KCNMA1: variants seen among roughly 807,000 people sequenced by gnomAD.
KCNMA1 encodes the protein Calcium-activated potassium channel subunit alpha-1.
In KCNMA1, 29 loss-of-function variants were observed where a neutral mutation model predicts 140.0. The observed-to-expected ratio is 0.21, with a 90% confidence interval of 0.15 to 0.28. The LOEUF (loss-of-function observed/expected upper bound fraction) is 0.28. Ranked by LOEUF, KCNMA1 falls within the 10% of genes least tolerant of loss-of-function variation. The pLI is 1.00. For synonymous variants in KCNMA1, 612 were observed against 611.9 expected (o/e 1.00, Z 0.00); for missense variants, 880 against 1,602.2 (o/e 0.55, Z 7.70).
intron 5 of KCNMA1, among the ~76,000 whole-genome samples, chr10:77,174,522 G>C (rs1055539481): frequency 6.6e-6 from 1 of 152,228 alleles, no homozygotes; most frequent in African/African-American, 2.4e-5. Flanking sequence ...GGGCTCTTGA[G>C]TACCTGAAAA....
intron 1 of KCNMA1, among the ~76,000 whole-genome samples, chr10:77,553,674 G>A (rs1291834554): frequency 6.6e-6 from 1 of 152,228 alleles, no homozygotes; most frequent in Non-Finnish European, 1.5e-5. Context: ...ACTCCCAGGG[G>A]ATGCCCCATC....
intron 1 of KCNMA1, among the ~76,000 whole-genome samples, chr10:77,542,033 T>C (rs1326402609): frequency 2.6e-5 from 4 of 152,198 alleles, no homozygotes; most frequent in African/African-American, 9.7e-5. Flanking sequence ...AAAATTTATA[T>C]GTAGCAATTT....
At chr10:77,461,575 A>T (rs2097868002) in intron 1 of KCNMA1, among the ~76,000 whole-genome samples, 1 of 152,036 alleles carries the variant, frequency 6.6e-6, no homozygotes, top group South Asian at 2.1e-4. Flanking sequence ...GACACAGATC[A>T]CCCAGCCTTC....
At chr10:77,477,966 C>T (rs2098312065) in intron 1 of KCNMA1, among the ~76,000 whole-genome samples, 1 of 152,090 alleles carries the variant, frequency 6.6e-6, no homozygotes, top group African/African-American at 2.4e-5. Flanking sequence ...CTGTGGATCC[C>T]GGGCACTGCC....
chr10:77,354,423 G>A (rs772271938), intron 2 of KCNMA1: 1 of 152,190 alleles, frequency 6.6e-6, no homozygotes, highest in Non-Finnish European at 1.5e-5. Context: ...GAGACATCTG[G>A]GGAGGCTCCC....
In KCNMA1 at chr10:77,286,735, A is replaced by T. The variant is rs368176552; in HGVS notation, c.541-35479T>A. Among the ~76,000 whole-genome samples the T allele has an allele frequency of 7.3e-5, 10 of 136,250 alleles. No homozygotes were observed. The South Asian group carries it at 2.7e-3, about 36-fold the overall frequency. The allele number at this position is 136,250 out of a possible 152,430, so 89.4% of individuals were successfully genotyped here. A position where few individuals can be genotyped will look rare whatever the true frequency, so the allele number is the denominator to read the frequency against. On this transcript the variant is annotated intron_variant, in intron 2 of 27. Coordinates refer to ENST00000286628, the MANE Select transcript of KCNMA1 (RefSeq NM_001161352.2). ...ATTAGCATATCCGTAAGTCTTTGCA[A>T]ATTTGACTAGGGACGGTGTGTGTGT...
chr10:77,092,337 G>A lies in KCNMA1; in HGVS notation c.1224-1827C>T, dbSNP rs575815829. On this transcript the variant is annotated intron_variant, in intron 9 of 27. Coordinates refer to ENST00000286628, the MANE Select transcript of KCNMA1 (RefSeq NM_001161352.2). ...CAAAATACTTCAAATAAATTTGCAC[G>A]TTCTGAATAAGATTTCAGACTTTGA... Among the ~76,000 whole-genome samples the A allele has an allele frequency of 7.2e-5, 11 of 152,222 alleles. No homozygotes were observed. In the Middle Eastern group the frequency reaches 0.014, roughly 188 times the overall value.
chr10:77,191,506 T>C (rs1459468902), intron 3 of KCNMA1, among the ~76,000 whole-genome samples: 1 of 152,190 alleles, frequency 6.6e-6, no homozygotes, highest in Non-Finnish European at 1.5e-5. Context: ...AGAGTTTATC[T>C]TTCTAATATC....
rs1241477269 is a variant in KCNMA1, at chr10:77,313,373, T to A, written c.541-62117A>T. On this transcript the variant is annotated intron_variant, in intron 2 of 27. Coordinates refer to ENST00000286628, the MANE Select transcript of KCNMA1 (RefSeq NM_001161352.2). ...ATGCCGGTAAGAGGAGCACTTCTCT[T>A]CCCCTTAAGCCACTCACGACAGAGT... is the stretch of plus-strand genomic sequence containing the variant. Among the ~76,000 whole-genome samples, 3 of 152,130 alleles carry A rather than the reference T, an allele frequency of 2.0e-5. No individual in the cohort carries two copies. In the East Asian group the frequency reaches 5.8e-4, roughly 29 times the overall value.
At chr10:77,255,998 A>C (rs1388324316) in intron 2 of KCNMA1, among the ~76,000 whole-genome samples, 1 of 151,948 alleles carries the variant, frequency 6.6e-6, no homozygotes, top group Non-Finnish European at 1.5e-5. Flanking sequence ...GGGGAAGTCC[A>C]TAGCCATCTC....
In KCNMA1 at chr10:77,099,267, T is replaced by C. The variant is rs80058374; in HGVS notation, c.1224-8757A>G. Reference sequence around the variant, plus strand: ...AACACCCCTGGTGAATCATGTATCATGGTCCTTGAGCACATACTGTTGGGA... The same window carrying C: ...AACACCCCTGGTGAATCATGTATCACGGTCCTTGAGCACATACTGTTGGGA... On this transcript the variant is annotated intron_variant, in intron 9 of 27. Transcript: ENST00000286628. Among the ~76,000 whole-genome samples, 3,791 of 152,236 alleles carry C rather than the reference T, an allele frequency of 0.025. 239 individuals carry two copies. The East Asian group carries it at 0.25, about 10-fold the overall frequency.
At chr10:76,877,798 G>T (rs766388591) in exon 30 of KCNMA1, 4 of 1,584,278 alleles carry the variant, frequency 2.5e-6, no homozygotes, top group Admixed American at 1.8e-5. Context: ...GATTTATATT[G>T]GTTGATCTGG....
At chr10:76,914,506 TGG>T in intron 24 of KCNMA1, 1 of 340,990 alleles carries the variant, frequency 2.9e-6, no homozygotes. Context: ...GTTCCCAAAA[TGG>T]GTTTGGCTTA....
intron 17 of KCNMA1, among the ~76,000 whole-genome samples, chr10:77,016,235 A>C (rs74834036): frequency 2.7e-4 from 41 of 152,160 alleles, no homozygotes; most frequent in Non-Finnish European, 5.6e-4. Context: ...TCTCTGCTCA[A>C]ATACCAACCC....
intron 1 of KCNMA1, among the ~76,000 whole-genome samples, chr10:77,507,458 C>A (rs2046568158): frequency 6.6e-6 from 1 of 152,196 alleles, no homozygotes. Flanking sequence ...TTGCAGTCAG[C>A]CCTGATAAAA....
chr10:77,206,543 T>C (rs778235507), intron 3 of KCNMA1, among the ~76,000 whole-genome samples: 1 of 152,156 alleles, frequency 6.6e-6, no homozygotes, highest in Non-Finnish European at 1.5e-5. Flanking sequence ...CTCTTGCCTC[T>C]ACGTAAGTCT....
At chr10:77,468,510 G>A (rs2098083176) in intron 1 of KCNMA1, among the ~76,000 whole-genome samples, 1 of 152,134 alleles carries the variant, frequency 6.6e-6, no homozygotes, top group South Asian at 2.1e-4. Flanking sequence ...GTCCTTAGAA[G>A]AAGAGGAAAT....
chr10:77,589,062 G>A (rs1230734042), intron 1 of KCNMA1, among the ~76,000 whole-genome samples: 1 of 152,318 alleles, frequency 6.6e-6, no homozygotes, highest in Admixed American at 6.5e-5. Flanking sequence ...ACGAACAAAT[G>A]AGCATATCTG....
At chr10:77,199,045 T>C (rs1192254027) in intron 3 of KCNMA1, among the ~76,000 whole-genome samples, 2 of 152,010 alleles carry the variant, frequency 1.3e-5, no homozygotes, top group African/African-American at 2.4e-5. Context: ...ACCCAGAACA[T>C]GGGAGTGAAT....
Sources: gnomAD v4.1 joint callset for allele counts (sites outside exome capture counted in the v4.1 genomes callset) on GRCh38, gnomAD v4.1.1 for gene constraint, MANE v1.5 for transcripts, NCBI Gene and HGNC (gene_info 2026-07-23, HGNC 2026-07-21) for gene names.